Variants in KANK1 observed in about 807,000 individuals in gnomAD.
KANK1 encodes the protein KN motif and ankyrin repeat domains 1.
Under a neutral mutation model 106.2 loss-of-function variants are expected in KANK1, and 109 were observed. The ratio of observed to expected loss-of-function variants is 1.03; its 90% CI spans 0.88 to 1.20. The LOEUF is 1.20. KANK1 is among the 50% of genes most tolerant of loss of function. KANK1 has a pLI of 0.00. For missense variants in KANK1, 2,399 were observed against 1,710.7 expected (o/e 1.40, Z -7.10); for synonymous variants, 873 against 652.2 (o/e 1.34, Z -5.16).
intron 1 of KANK1, among the ~76,000 whole-genome samples, chr9:525,798 C>T (rs1236005029): frequency 6.6e-6 from 1 of 151,586 alleles, no homozygotes; most frequent in Non-Finnish European, 1.5e-5. Flanking sequence ...GCTGGTTTCC[C>T]TGCTCCCCTG....
chr9:624,393 A>G (rs1833869648), intron 1 of KANK1, among the ~76,000 whole-genome samples: 1 of 152,196 alleles, frequency 6.6e-6, no homozygotes. Flanking sequence ...ATCAATATGC[A>G]ATCTATATTT....
At chr9:600,175 C>T (rs1364423686) in intron 1 of KANK1, among the ~76,000 whole-genome samples, 1 of 151,620 alleles carries the variant, frequency 6.6e-6, no homozygotes, top group Non-Finnish European at 1.5e-5. Flanking sequence ...AACAAAAGCG[C>T]TATATCTGTT....
intron 1 of KANK1, among the ~76,000 whole-genome samples, chr9:577,415 C>T (rs570740084): frequency 1.6e-4 from 24 of 152,134 alleles, no homozygotes; most frequent in East Asian, 1.3e-3. Flanking sequence ...AGACACAGAG[C>T]GCTGATTGGT....
chr9:720,583 C>T (rs7861700), intron 3 of KANK1, among the ~76,000 whole-genome samples: 31,460 of 152,178 alleles, frequency 0.21, 7,128 homozygotes, highest in African/African-American at 0.56. Context: ...CTGCAACTCC[C>T]AGGCTCAAGC....
rs889042937 is a variant in KANK1, at chr9:638,854, G to A, written c.-83-38036G>A. ...TGCCATTCAATTTGACTGTGTTACT[G>A]CCAGGAAGAGACAGATAAAAGGGCA... On this transcript the variant is annotated intron_variant, in intron 1 of 11. Coordinates refer to ENST00000382297, the MANE Select transcript of KANK1 (RefSeq NM_015158.5). Among the ~76,000 whole-genome samples the A allele has an allele frequency of 1.3e-4, 20 of 152,120 alleles. 1 individual carries two copies. Among genetic ancestry groups the A allele is most frequent in the Admixed American group, 7.2e-4 (11 of 15,262 alleles).
At chr9:514,918 T>C (rs2059210945) in intron 1 of KANK1, among the ~76,000 whole-genome samples, 1 of 151,798 alleles carries the variant, frequency 6.6e-6, no homozygotes, top group South Asian at 2.1e-4. Flanking sequence ...ACCACAGTGC[T>C]TGTTATTGTC....
chr9:637,447 T>G (rs1837411780), intron 1 of KANK1, among the ~76,000 whole-genome samples: 1 of 152,208 alleles, frequency 6.6e-6, no homozygotes. Flanking sequence ...TAGTGTTTCT[T>G]GCAGCAAAGT....
chr9:601,436 T>C (rs1035962822), intron 1 of KANK1, among the ~76,000 whole-genome samples: 1 of 151,882 alleles, frequency 6.6e-6, no homozygotes, highest in Non-Finnish European at 1.5e-5. Flanking sequence ...TGTCAGTTAT[T>C]TCTGGTTAGT....
At chr9:708,413 C>G (rs1824921954) in intron 2 of KANK1, among the ~76,000 whole-genome samples, 1 of 152,248 alleles carries the variant, frequency 6.6e-6, no homozygotes, top group Non-Finnish European at 1.5e-5. Context: ...CCCTCCCGAC[C>G]AGCCCTCCCA....
chr9:573,520 T>C (rs1819743244), intron 1 of KANK1, among the ~76,000 whole-genome samples: 1 of 152,088 alleles, frequency 6.6e-6, no homozygotes, highest in Non-Finnish European at 1.5e-5. Context: ...TCCGCCCTCC[T>C]CGGCCTCCCA....
At chr9:546,096 C>T (rs568309465) in intron 1 of KANK1, among the ~76,000 whole-genome samples, 1 of 152,226 alleles carries the variant, frequency 6.6e-6, no homozygotes, top group South Asian at 2.1e-4. Flanking sequence ...TCTGGATGGA[C>T]ACAGTCCCTG....
intron 3 of KANK1, among the ~76,000 whole-genome samples, chr9:726,446 CTGGCCAACA>C (rs1415301684): frequency 6.6e-6 from 1 of 152,108 alleles, no homozygotes; most frequent in East Asian, 1.9e-4. Flanking sequence ...CGAGTCCAAC[CTGGCCAACA>C]TGGTGAAACC....
intron 1 of KANK1, among the ~76,000 whole-genome samples, chr9:594,228 G>A (rs993662250): frequency 6.6e-6 from 1 of 151,846 alleles, no homozygotes; most frequent in African/African-American, 2.4e-5. Context: ...AGCTCTTTAT[G>A]TTTTTCTGCC....
chr9:676,772 T>C (rs1563971171), intron 1 of KANK1, 118 bp from the exon 2 acceptor site: 2 of 512,906 alleles, frequency 3.9e-6, no homozygotes, highest in Non-Finnish European at 3.5e-6. Context: ...ATAGTCTTTC[T>C]CCCCCCATTC....
chr9:491,272 TTTC>T (rs1213582817), intron 3 of KANK1, among the ~76,000 whole-genome samples: 1 of 149,974 alleles, frequency 6.7e-6, no homozygotes, highest in Non-Finnish European at 1.5e-5. Flanking sequence ...TGGAGTGCAT[TTTC>T]TTTTTTTTTT....
chr9:497,220 A>T (rs1380889278), intron 3 of KANK1, among the ~76,000 whole-genome samples: 1 of 152,198 alleles, frequency 6.6e-6, no homozygotes, highest in Admixed American at 6.5e-5. Context: ...AAAAAAAAGA[A>T]AAAAAGGAAA....
intron 1 of KANK1, among the ~76,000 whole-genome samples, chr9:533,074 G>T (rs528865368): frequency 3.3e-5 from 5 of 152,170 alleles, no homozygotes; most frequent in African/African-American, 4.8e-5. Flanking sequence ...TATTTGCATT[G>T]CTTTGAAGCC....
chr9:514,311 C>T (rs1213646605), intron 1 of KANK1, among the ~76,000 whole-genome samples: 1 of 129,222 alleles, frequency 7.7e-6, no homozygotes, highest in Non-Finnish European at 1.5e-5. Context: ...GCTGCTTTTT[C>T]CTCTAAAAAT....
At chr9:640,385 G>A (rs1437257950) in intron 1 of KANK1, among the ~76,000 whole-genome samples, 1 of 151,614 alleles carries the variant, frequency 6.6e-6, no homozygotes, top group African/African-American at 2.4e-5. Context: ...ACAGGTGCAT[G>A]CCATCACGCC....
Sources: gnomAD v4.1 joint callset for allele counts (sites outside exome capture counted in the v4.1 genomes callset) on GRCh38, gnomAD v4.1.1 for gene constraint, MANE v1.5 for transcripts, NCBI Gene and HGNC (gene_info 2026-07-23, HGNC 2026-07-21) for gene names.